Variants in DYNLRB1 observed in about 807,000 individuals in gnomAD.
The protein encoded by DYNLRB1 is ROBL/LC7-like 1.
Under a neutral mutation model 13.5 loss-of-function variants are expected in DYNLRB1, and 6 were observed. The observed-to-expected ratio is 0.44, with a 90% confidence interval of 0.24 to 0.88. The LOEUF (loss-of-function observed/expected upper bound fraction) is 0.88. DYNLRB1 is among the 40% of genes least tolerant of loss of function. The pLI is 0.21. For synonymous variants in DYNLRB1, 43 were observed against 45.0 expected, an observed-to-expected ratio of 0.96 and a Z score of 0.18; for missense variants, 93 against 127.2, an observed-to-expected ratio of 0.73 and a Z score of 1.29.
chr20:34,529,876 G>A (rs773900649), intron 2 of DYNLRB1: 12 of 1,528,950 alleles, frequency 7.8e-6, no homozygotes, highest in Non-Finnish European at 9.7e-6. Flanking sequence ...TTGGGACACT[G>A]TGGAGACAGG....
At chr20:34,517,891 C>G (rs1979385421) in intron 1 of DYNLRB1, among the ~76,000 whole-genome samples, 1 of 152,116 alleles carries the variant, frequency 6.6e-6, no homozygotes. Context: ...CTCGCCTCAG[C>G]CTCCCAAAGT....
chr20:34,536,035 A>G (rs1230021640), intron 3 of DYNLRB1: 3 of 985,288 alleles, frequency 3.0e-6, no homozygotes, highest in African/African-American at 1.7e-5. Flanking sequence ...GGAAAGAACT[A>G]TAGAGCCAGT....
chr20:34,516,764 C>G (rs1600535489), intron 1 of DYNLRB1: 10 of 1,549,926 alleles, frequency 6.5e-6, no homozygotes, highest in Non-Finnish European at 8.7e-6. Flanking sequence ...GTTTTGGGGC[C>G]TTGGTGCGCG....
At chr20:34,532,563 G>A (rs896651226) in intron 2 of DYNLRB1, among the ~76,000 whole-genome samples, 5 of 151,862 alleles carry the variant, frequency 3.3e-5, no homozygotes, top group Non-Finnish European at 4.4e-5. Flanking sequence ...CCCCATCGCC[G>A]CCCCATCGTG....
chr20:34,535,069 A>T (rs1177610409), intron 3 of DYNLRB1: 1 of 985,178 alleles, frequency 1.0e-6, no homozygotes, highest in African/African-American at 1.7e-5. Context: ...ATAGGAGAAA[A>T]CTCAAAGGCA....
At chr20:34,533,903 G>A (rs1048487855) in intron 2 of DYNLRB1, among the ~76,000 whole-genome samples, 6 of 152,090 alleles carry the variant, frequency 3.9e-5, no homozygotes, top group African/African-American at 9.7e-5. Context: ...TTGGGAGGCC[G>A]AGGTGGGCGG....
chr20:34,516,373 C>T (rs1377436140), upstream of DYNLRB1: 1 of 1,578,292 alleles, frequency 6.3e-7, no homozygotes, highest in East Asian at 2.3e-5. Context: ...TAGAGCTGTC[C>T]GTTTTGACAG....
Position 34,534,729 on chromosome 20 carries a change from G to T in DYNLRB1, c.181G>T (p.Asp61Tyr). Residue 61 changes from aspartate to tyrosine, a missense_variant, in exon 3 of 4, where the codon GAC becomes TAC. Coordinates refer to ENST00000357156, the MANE Select transcript of DYNLRB1 (RefSeq NM_014183.4). ...GGCACGGAGCACCGTGCGTGACATC[G>T]ACCCCCAGAACGATCTCACCTTCCT... The part of the protein sequence containing the change: ...LKARSTVRDI[D>Y]PQNDLTFLRI... 6.2e-7 allele frequency: 1 copy of T among 1,613,874 alleles called. No homozygotes were observed. The highest frequency in any genetic ancestry group is 8.5e-7 in the Non-Finnish European group (1 of 1,179,862).
chr20:34,540,609 G>C lies in DYNLRB1; in HGVS notation c.276G>C (p.Gln92His). ...PDKDYFLIVIQNPTE is the reference protein window; with the variant it reads ...PDKDYFLIVIHNPTE ...AAGACTATTTCCTGATTGTGATTCA[G>C]AATCCAACCGAATAAGCCACTCTCT... is the stretch of plus-strand genomic sequence containing the variant. Residue 92 changes from glutamine (Q) to histidine (H), a missense_variant, in exon 4 of 4, where the codon CAG becomes CAC. By Grantham distance (24) the Gln-to-His change is conservative. Transcript: ENST00000357156. 6.2e-7 allele frequency: 1 copy of C among 1,613,740 alleles called. No individual in the cohort carries two copies.
intron 1 of DYNLRB1, among the ~76,000 whole-genome samples, chr20:34,517,064 C>T (rs997883690): frequency 6.6e-6 from 1 of 152,122 alleles, no homozygotes; most frequent in Non-Finnish European, 1.5e-5. Flanking sequence ...CGGGCGGGGT[C>T]TGCTCTTGGG....
intron 2 of DYNLRB1, chr20:34,533,504 T>C (rs1251146340): frequency 1.0e-6 from 1 of 985,294 alleles, no homozygotes; most frequent in Non-Finnish European, 1.2e-6. Context: ...CAAGCTGACT[T>C]TTTCTCTTCT....
At chr20:34,522,995 G>T (rs1979880543) in intron 1 of DYNLRB1, among the ~76,000 whole-genome samples, 1 of 152,136 alleles carries the variant, frequency 6.6e-6, no homozygotes. Context: ...TATAAAGTCT[G>T]GTCTGGTTTC....
rs751941060 is a variant in DYNLRB1, at chr20:34,540,560, T to G, written c.248-21T>G. 4.3e-6 allele frequency: 7 copies of G among 1,609,422 alleles called. No homozygotes were observed. The East Asian group carries it at 1.6e-4, about 36-fold the overall frequency. ...TCTCATTTTACATTTAGTGATTTTT[T>G]TTCATTTTTCTCTTTTGCAGATAAA... On this transcript the variant is annotated intron_variant, in intron 3 of 3. Coordinates refer to ENST00000357156, the MANE Select transcript of DYNLRB1 (RefSeq NM_014183.4).
intron 2 of DYNLRB1, among the ~76,000 whole-genome samples, chr20:34,532,778 C>T (rs1359530940): frequency 1.3e-5 from 2 of 152,176 alleles, no homozygotes; most frequent in Non-Finnish European, 2.9e-5. Context: ...GCCTCTGCGA[C>T]TCACCTGCTT....
chr20:34,516,325 CGCCCG>C (rs1568595571), upstream of DYNLRB1: 14 of 1,390,044 alleles, frequency 1.0e-5, no homozygotes, highest in Non-Finnish European at 1.9e-6. Context: ...AAGATCGGCT[CGCCCG>C]CCCCCGCCTC....
rs67763754 is a variant in DYNLRB1 at position 34,537,985 on chromosome 20, CTT to C, written c.248-2577_248-2576del. On this transcript the variant is annotated intron_variant, in intron 3 of 3. Transcript: ENST00000357156. ...GCCCAGAACCGCCCACGTGAACAGGCTTTTTTTTTTTTTTTTTTTTGAGACAG... is the reference window on the plus strand; with the variant it reads ...GCCCAGAACCGCCCACGTGAACAGGCTTTTTTTTTTTTTTTTTTGAGACAG... Among the ~76,000 whole-genome samples the C allele has an allele frequency of 7.9e-3, 745 of 94,854 alleles. 7 individuals are homozygous for C. Among genetic ancestry groups the C allele is most frequent in the African/African-American group, 0.029 (679 of 23,302 alleles). The allele number at this position is 94,854 out of a possible 152,430, so 62.2% of individuals were successfully genotyped here.
intron 1 of DYNLRB1, 123 bp downstream of exon 1, chr20:34,516,584 C>G: frequency 6.5e-7 from 1 of 1,533,438 alleles, no homozygotes; most frequent in East Asian, 2.3e-5. Flanking sequence ...CTGGGCGTGG[C>G]CGGGCCCGGG....
intron 1 of DYNLRB1, among the ~76,000 whole-genome samples, chr20:34,518,174 C>T (rs918504275): frequency 5.9e-5 from 9 of 151,600 alleles, no homozygotes; most frequent in Non-Finnish European, 2.9e-5. Flanking sequence ...AATCAGTTGG[C>T]CGTAAATAAG....
In DYNLRB1 at chr20:34,526,218, G is replaced by A; in HGVS notation, c.4-50G>A. The A allele has an allele frequency of 1.9e-6, 3 of 1,600,588 alleles. No individual in the cohort carries two copies. The East Asian group carries it at 6.7e-5, about 36-fold the overall frequency. On this transcript the variant is annotated intron_variant, in intron 1 of 3. Coordinates refer to ENST00000357156, the MANE Select transcript of DYNLRB1 (RefSeq NM_014183.4). Reference sequence around the variant, plus strand: ...ATTCATCTGCCTGGGGTATGAGGAAGTTAATCCTGCCTATCGGCCTCTCCT... The same window carrying A: ...ATTCATCTGCCTGGGGTATGAGGAAATTAATCCTGCCTATCGGCCTCTCCT...
Sources: gnomAD v4.1 joint callset for allele counts (sites outside exome capture counted in the v4.1 genomes callset) on GRCh38, gnomAD v4.1.1 for gene constraint, MANE v1.5 for transcripts, NCBI Gene and HGNC (gene_info 2026-07-23, HGNC 2026-07-21) for gene names.